Variants in ATP5PF observed in about 807,000 individuals in gnomAD.
ATP5PF encodes the protein ATP synthase peripheral stalk subunit F6, mitochondrial.
Under a neutral mutation model 12.0 loss-of-function variants are expected in ATP5PF, and 7 were observed. That is an observed-to-expected ratio of 0.58 (90% confidence interval 0.33 to 1.10). The LOEUF is 1.10. Among genes scored for constraint, ATP5PF ranks in the 50% least tolerant of loss-of-function variants. The probability of loss-of-function intolerance (pLI) is 0.03; values close to 1 mark genes in which losing one functional copy is unlikely to be tolerated. For synonymous variants in ATP5PF, 41 were observed against 45.4 expected, an observed-to-expected ratio of 0.90 and a Z score of 0.39; for missense variants, 120 against 127.7, an observed-to-expected ratio of 0.94 and a Z score of 0.29.
upstream of ATP5PF, chr21:25,735,155 C>T: frequency 3.1e-6 from 2 of 648,440 alleles, no homozygotes; most frequent in Non-Finnish European, 5.6e-6. Flanking sequence ...TCCTTGAAAC[C>T]TTGCTCTGTA....
At chr21:25,735,074 A>G, upstream of ATP5PF, 1 of 1,062,300 alleles carries the variant, frequency 9.4e-7, no homozygotes, top group Non-Finnish European at 1.4e-6. Flanking sequence ...GTGGAGGGTA[A>G]GTGCTTCCGG....
chr21:25,734,395 T>G (rs2034925202), intron 1 of ATP5PF: 1 of 992,062 alleles, frequency 1.0e-6, no homozygotes, highest in African/African-American at 1.7e-5. Context: ...ATCCATAAAG[T>G]CGCCTAATGA....
intron 1 of ATP5PF, among the ~76,000 whole-genome samples, chr21:25,732,821 C>T (rs2034822825): frequency 6.6e-6 from 1 of 150,676 alleles, no homozygotes; most frequent in Non-Finnish European, 1.5e-5. Flanking sequence ...CCGTCTCTAC[C>T]AAAAATACAA....
chr21:25,734,325 T>C, intron 1 of ATP5PF: 2 of 986,292 alleles, frequency 2.0e-6, no homozygotes, highest in Non-Finnish European at 2.4e-6. Flanking sequence ...TTTATAGTGA[T>C]GACTGACCGG....
chr21:25,735,136 T>A, upstream of ATP5PF: 1 of 678,220 alleles, frequency 1.5e-6, no homozygotes, highest in South Asian at 1.7e-5. Context: ...TGACCCGTTC[T>A]TTTTCCCCTC....
intron 1 of ATP5PF, among the ~76,000 whole-genome samples, chr21:25,730,124 C>T (rs1001294759): frequency 2.0e-5 from 3 of 152,164 alleles, no homozygotes; most frequent in African/African-American, 7.2e-5. Flanking sequence ...TAGACTGTTG[C>T]AACACTGTCC....
chr21:25,734,907 T>C (rs772466452), upstream of ATP5PF: 34 of 1,564,440 alleles, frequency 2.2e-5, no homozygotes, highest in Non-Finnish European at 2.9e-5. Flanking sequence ...TCCGCTCTAC[T>C]TCCGGCCCTG....
At chr21:25,733,574 A>G (rs2123460622) in intron 1 of ATP5PF, among the ~76,000 whole-genome samples, 2 of 151,244 alleles carry the variant, frequency 1.3e-5, no homozygotes, top group South Asian at 4.1e-4. Context: ...CTAACTTAAC[A>G]CATATATGCA....
intron 1 of ATP5PF, among the ~76,000 whole-genome samples, chr21:25,732,834 T>C (rs1305796809): frequency 6.6e-6 from 1 of 150,756 alleles, no homozygotes. Context: ...AAATACAAAA[T>C]TAGCCGGGAG....
chr21:25,730,972 C>T (rs547851770), intron 1 of ATP5PF, among the ~76,000 whole-genome samples: 20 of 152,130 alleles, frequency 1.3e-4, no homozygotes, highest in South Asian at 4.2e-4. Flanking sequence ...GGGCCAGGCA[C>T]GGTGGCTCAT....
intron 1 of ATP5PF, 55 bp from the exon 2 acceptor site, chr21:25,729,856 T>TA: frequency 6.5e-7 from 1 of 1,537,870 alleles, no homozygotes; most frequent in Non-Finnish European, 8.8e-7. Context: ...AAATCACCTC[T>TA]AAATATATCA....
intron 1 of ATP5PF, among the ~76,000 whole-genome samples, chr21:25,733,708 A>G (rs1005195774): frequency 1.3e-5 from 2 of 152,166 alleles, no homozygotes; most frequent in African/African-American, 4.8e-5. Flanking sequence ...GTACTTCCAT[A>G]TATATCCTTT....
intron 1 of ATP5PF, 195 bp downstream of exon 1, chr21:25,734,658 T>C: frequency 3.8e-6 from 2 of 531,338 alleles, no homozygotes; most frequent in Non-Finnish European, 6.2e-6. Context: ...ATCGATCTTA[T>C]TTCTGGGTCT....
At chr21:25,730,854 C>T (rs1036046820) in intron 1 of ATP5PF, among the ~76,000 whole-genome samples, 67 of 145,228 alleles carry the variant, frequency 4.6e-4, no homozygotes, top group African/African-American at 1.7e-3. Flanking sequence ...CAGTAGAGGA[C>T]AATTCCTGTT....
At chr21:25,732,249 A>G (rs116433931) in intron 1 of ATP5PF, among the ~76,000 whole-genome samples, 1,589 of 152,376 alleles carry the variant, frequency 0.01, 25 homozygotes, top group African/African-American at 0.036. Context: ...GCCAAACACT[A>G]TAACGACAAT....
At chr21:25,725,188 T>TC (rs780535936) in intron 3 of ATP5PF, 38 bp downstream of exon 3, 8 of 1,581,656 alleles carry the variant, frequency 5.1e-6, no homozygotes, top group Non-Finnish European at 6.9e-6. Flanking sequence ...TCTTCACTTA[T>TC]CCCCCACAAG....
intron 2 of ATP5PF, among the ~76,000 whole-genome samples, 175 bp from the exon 3 acceptor site, chr21:25,725,525 C>T (rs1052748552): frequency 4.6e-5 from 7 of 151,990 alleles, no homozygotes; most frequent in South Asian, 2.1e-4. Flanking sequence ...CTGCAACCTC[C>T]GACTCCCTGG....
intron 2 of ATP5PF, among the ~76,000 whole-genome samples, chr21:25,728,598 G>A (rs1278237849): frequency 6.6e-6 from 1 of 152,154 alleles, no homozygotes; most frequent in East Asian, 1.9e-4. Context: ...CTGTGGGTTT[G>A]AGAACTGTTT....
At chr21:25,733,269 C>A (rs2034853483) in intron 1 of ATP5PF, among the ~76,000 whole-genome samples, 1 of 151,906 alleles carries the variant, frequency 6.6e-6, no homozygotes, top group African/African-American at 2.4e-5. Context: ...GTGGCTCACG[C>A]TTGTAATCCC....
Sources: allele counts gnomAD v4.1 joint callset (sites outside exome capture counted in the v4.1 genomes callset), GRCh38; gene constraint gnomAD v4.1.1; transcripts MANE v1.5; gene names NCBI Gene and HGNC (gene_info 2026-07-23, HGNC 2026-07-21).